The following ADAMTSL1 variants were observed in gnomAD, a reference collection of about 807,000 sequenced individuals.
ADAMTSL1 encodes ADAMTS like 1, also known as ADAMTS-like protein 1.
ADAMTSL1 carries 126 observed loss-of-function variants against 201.8 expected under a neutral mutation model. That is an observed-to-expected ratio of 0.62 (90% CI 0.54 to 0.72). The LOEUF is 0.72. Among genes scored for constraint, ADAMTSL1 ranks in the 30% least tolerant of loss-of-function variants. The pLI, the probability that ADAMTSL1 is intolerant of heterozygous loss-of-function variation, is 0.00. For missense variants in ADAMTSL1, 2,679 were observed against 2,277.8 expected (o/e 1.18, Z -3.59); for synonymous variants, 1,121 against 903.4 (o/e 1.24, Z -4.32).
At chr9:18,435,675 T>A (rs1036564892) in intron 2 of ADAMTSL1, among the ~76,000 whole-genome samples, 2 of 152,124 alleles carry the variant, frequency 1.3e-5, no homozygotes, top group African/African-American at 2.4e-5. Flanking sequence ...ATTAATCCAT[T>A]TTCACAATGC....
At chr9:18,819,341 A>C (rs1344454628) in intron 21 of ADAMTSL1, among the ~76,000 whole-genome samples, 1 of 152,070 alleles carries the variant, frequency 6.6e-6, no homozygotes, top group East Asian at 1.9e-4. Context: ...CTGTAATCAC[A>C]GCTACTCAGG....
intron 1 of ADAMTSL1, among the ~76,000 whole-genome samples, chr9:18,073,191 T>C (rs1823042361): frequency 6.6e-6 from 1 of 152,270 alleles, no homozygotes; most frequent in African/African-American, 2.4e-5. Flanking sequence ...TTAAATATAT[T>C]GTTTGTCAGC....
intron 2 of ADAMTSL1, among the ~76,000 whole-genome samples, chr9:18,404,756 G>A (rs1818119589): frequency 6.6e-6 from 1 of 152,166 alleles, no homozygotes; most frequent in Non-Finnish European, 1.5e-5. Context: ...ATTTCTAGGT[G>A]CCACCTTTGA....
intron 2 of ADAMTSL1, among the ~76,000 whole-genome samples, chr9:18,229,677 C>G (rs562385257): frequency 6.6e-6 from 1 of 151,594 alleles, no homozygotes; most frequent in South Asian, 2.1e-4. Flanking sequence ...ATTCTTTGAA[C>G]GTATTTTCTC....
At chr9:18,415,650 T>C (rs1043921039) in intron 2 of ADAMTSL1, among the ~76,000 whole-genome samples, 5 of 151,630 alleles carry the variant, frequency 3.3e-5, no homozygotes, top group African/African-American at 1.2e-4. Flanking sequence ...GCCAGGAATT[T>C]TCCAAATTTG....
chr9:18,823,230 C>T (rs1363627604), intron 21 of ADAMTSL1, among the ~76,000 whole-genome samples: 2 of 152,196 alleles, frequency 1.3e-5, no homozygotes, highest in Non-Finnish European at 1.5e-5. Flanking sequence ...GAATGATTCC[C>T]ACTTAATTTC....
intron 4 of ADAMTSL1, among the ~76,000 whole-genome samples, chr9:18,606,677 A>C (rs1327130237): frequency 6.6e-6 from 1 of 152,184 alleles, no homozygotes; most frequent in Non-Finnish European, 1.5e-5. Context: ...TCAGTTGCAG[A>C]GTTTGTTTTA....
At chr9:18,395,996 T>C (rs1219877518) in intron 2 of ADAMTSL1, among the ~76,000 whole-genome samples, 1 of 152,206 alleles carries the variant, frequency 6.6e-6, no homozygotes, top group Non-Finnish European at 1.5e-5. Context: ...AGGAAACCTT[T>C]GATGCTAATC....
intron 1 of ADAMTSL1, among the ~76,000 whole-genome samples, chr9:17,973,248 G>T (rs1001092259): frequency 2.7e-5 from 4 of 149,700 alleles, no homozygotes; most frequent in African/African-American, 9.8e-5. Context: ...CCAGGCCTAT[G>T]TCCTGAATGG....
At chr9:18,779,867 A>T (rs1418429219) in intron 19 of ADAMTSL1, among the ~76,000 whole-genome samples, 2 of 152,210 alleles carry the variant, frequency 1.3e-5, no homozygotes, top group African/African-American at 4.8e-5. Context: ...TATCAAGTGT[A>T]GGTACAACGT....
At chr9:18,181,204 A>G (rs527474026) in intron 2 of ADAMTSL1, among the ~76,000 whole-genome samples, 1 of 152,252 alleles carries the variant, frequency 6.6e-6, no homozygotes, top group Non-Finnish European at 1.5e-5. Context: ...CCTAGGCAAC[A>G]CCATTCAGGA....
intron 19 of ADAMTSL1, among the ~76,000 whole-genome samples, chr9:18,790,627 G>A (rs1172276906): frequency 6.6e-6 from 1 of 152,094 alleles, no homozygotes; most frequent in African/African-American, 2.4e-5. Context: ...TCTCATGCAT[G>A]ACAAGGATTT....
intron 15 of ADAMTSL1, among the ~76,000 whole-genome samples, chr9:18,749,437 G>A (rs1446539943): frequency 6.6e-6 from 1 of 152,070 alleles, no homozygotes; most frequent in African/African-American, 2.4e-5. Context: ...GCAAAGAGGG[G>A]AAAAAGGCAC....
chr9:18,322,684 C>A (rs1382567514), intron 2 of ADAMTSL1, among the ~76,000 whole-genome samples: 2 of 151,766 alleles, frequency 1.3e-5, no homozygotes, highest in Non-Finnish European at 2.9e-5. Context: ...GTTAGCAATA[C>A]CAATAGAGGA....
At chr9:17,914,834 C>A (rs1826030371) in intron 1 of ADAMTSL1, among the ~76,000 whole-genome samples, 1 of 152,060 alleles carries the variant, frequency 6.6e-6, no homozygotes, top group South Asian at 2.1e-4. Flanking sequence ...TCTCAGGATA[C>A]AAAATCAATG....
intron 13 of ADAMTSL1, among the ~76,000 whole-genome samples, chr9:18,703,602 A>T (rs1832051076): frequency 6.6e-6 from 1 of 150,898 alleles, no homozygotes; most frequent in South Asian, 2.1e-4. Context: ...ACATTTGATA[A>T]AACTCTCATT....
In ADAMTSL1 at chr9:18,909,115, G is replaced by C. The variant is rs112671987; in HGVS notation, c.*567G>C. 5.3e-3 allele frequency: 816 copies of C among 153,850 alleles called. 8 individuals are homozygous for C. The highest frequency in any genetic ancestry group is 0.038 in the South Asian group (184 of 4,896). 9.5% of individuals were successfully genotyped at this position (153,850 alleles called of 1,614,324 possible). A position where few individuals can be genotyped will look rare whatever the true frequency, so the allele number is the denominator to read the frequency against. ...AGTTCTTCTAGTGGGTGAGTGCAGA[G>C]AGAGAAGAACTCAGATCACCAGTAG... On this transcript the variant is annotated 3_prime_UTR_variant, in exon 29 of 29. Coordinates refer to ENST00000380548, the MANE Select transcript of ADAMTSL1 (RefSeq NM_001040272.6).
intron 6 of ADAMTSL1, 55 bp from the exon 7 acceptor site, chr9:18,639,199 C>T: frequency 1.3e-6 from 2 of 1,559,574 alleles, no homozygotes; most frequent in Non-Finnish European, 1.8e-6. Context: ...AATGTGCTTG[C>T]CTGTGGTTGC....
At chr9:17,968,964 C>T (rs548990459) in intron 1 of ADAMTSL1, among the ~76,000 whole-genome samples, 48 of 152,104 alleles carry the variant, frequency 3.2e-4, no homozygotes, top group African/African-American at 1.1e-3. Flanking sequence ...CCAATGTGCT[C>T]GTCTAGGGTC....
Sources: allele counts gnomAD v4.1 joint callset (sites outside exome capture counted in the v4.1 genomes callset), GRCh38; gene constraint gnomAD v4.1.1; transcripts MANE v1.5; gene names NCBI Gene and HGNC (gene_info 2026-07-23, HGNC 2026-07-21).